Variants in IGSF21 observed in about 807,000 individuals in gnomAD.
The protein encoded by IGSF21 is immunoglobin superfamily member 21, also known as immunoglobulin superfamily member 21.
IGSF21 carries 28 observed loss-of-function variants against 46.8 expected under a neutral mutation model. That is an observed-to-expected ratio of 0.60 (90% CI 0.44 to 0.82). IGSF21 has a LOEUF of 0.82. Among genes scored for constraint, IGSF21 ranks in the 40% least tolerant of loss-of-function variants. IGSF21 has a pLI of 0.00. For missense variants in IGSF21, 624 were observed against 665.5 expected (o/e 0.94, Z 0.69); for synonymous variants, 284 against 273.6 (o/e 1.04, Z -0.38).
chr1:18,181,412 C>G (rs371206178), intron 1 of IGSF21, among the ~76,000 whole-genome samples: 3 of 152,296 alleles, frequency 2.0e-5, no homozygotes, highest in South Asian at 2.1e-4. Flanking sequence ...AATTTTCCAG[C>G]TTGAGCAGCC....
intron 4 of IGSF21, among the ~76,000 whole-genome samples, chr1:18,358,301 G>A (rs1020320707): frequency 6.6e-6 from 1 of 152,080 alleles, no homozygotes; most frequent in African/African-American, 2.4e-5. Flanking sequence ...TCTAATAACC[G>A]CATTAAGATA....
intron 1 of IGSF21, among the ~76,000 whole-genome samples, chr1:18,195,111 T>G (rs2086994577): frequency 6.6e-6 from 1 of 152,216 alleles, no homozygotes; most frequent in Non-Finnish European, 1.5e-5. Context: ...ATTATTACAA[T>G]TCAAGGTGAG....
At chr1:18,131,952 C>T (rs2086325524) in intron 1 of IGSF21, among the ~76,000 whole-genome samples, 1 of 152,142 alleles carries the variant, frequency 6.6e-6, no homozygotes, top group South Asian at 2.1e-4. Flanking sequence ...AGAGACAACT[C>T]TGTATAATGC....
Position 18,273,462 on chromosome 1 carries a change from C to CTCTCTTTCTTTTCTTTCTTTCTT in IGSF21, c.184-18401_184-18400insCTTTCTTTTCTTTCTTTCTTTCT, listed in dbSNP as rs767013694. ...TCTTTCTCACTTTCTTTCTTTCTCT[C>CTCTCTTTCTTTTCTTTCTTTCTT]TCTTTCTTTCTTTCTTTCTTTCTTT... is the stretch of plus-strand genomic sequence containing the variant. On this transcript the variant is annotated intron_variant, in intron 2 of 9. Coordinates refer to ENST00000251296, the MANE Select transcript of IGSF21 (RefSeq NM_032880.5). 1.8e-3 allele frequency among the ~76,000 whole-genome samples: 113 copies of CTCTCTTTCTTTTCTTTCTTTCTT among 61,922 alleles called. 9 individuals are homozygous for CTCTCTTTCTTTTCTTTCTTTCTT. The highest frequency in any genetic ancestry group is 9.2e-3 in the South Asian group (16 of 1,734). 40.6% of individuals were successfully genotyped at this position (61,922 alleles called of 152,430 possible).
At chr1:18,252,894 C>A (rs757841483) in intron 2 of IGSF21, among the ~76,000 whole-genome samples, 7 of 152,150 alleles carry the variant, frequency 4.6e-5, no homozygotes, top group Non-Finnish European at 8.8e-5. Context: ...GCCAGCCTCG[C>A]CAGGTTGTTA....
At chr1:18,319,128 A>AGG (rs1309666798) in intron 3 of IGSF21, among the ~76,000 whole-genome samples, 1 of 152,222 alleles carries the variant, frequency 6.6e-6, no homozygotes, top group Non-Finnish European at 1.5e-5. Context: ...TAAAGGACAG[A>AGG]GGGTGCTCCT....
chr1:18,165,552 T>C (rs1468487687), intron 1 of IGSF21, among the ~76,000 whole-genome samples: 1 of 152,198 alleles, frequency 6.6e-6, no homozygotes, highest in Admixed American at 6.5e-5. Context: ...AATAAGAATT[T>C]TGAGGGAACA....
At chr1:18,119,779 G>A (rs1255176871) in intron 1 of IGSF21, among the ~76,000 whole-genome samples, 1 of 149,958 alleles carries the variant, frequency 6.7e-6, no homozygotes, top group Non-Finnish European at 1.5e-5. Flanking sequence ...TTTTTTCATT[G>A]TAATTATTTT....
chr1:18,306,896 C>T (rs2085431791), intron 3 of IGSF21, among the ~76,000 whole-genome samples: 1 of 152,212 alleles, frequency 6.6e-6, no homozygotes, highest in Admixed American at 6.5e-5. Flanking sequence ...TAGACCAGGC[C>T]CCAGGGTGAC....
chr1:18,206,055 CAAGGGGTAGAT>C lies in IGSF21; in HGVS notation c.71-21840_71-21830del, dbSNP rs1479203083. Among the ~76,000 whole-genome samples, 29 of 152,304 alleles carry C rather than the reference CAAGGGGTAGAT, an allele frequency of 1.9e-4. No individual in the cohort carries two copies. In the South Asian group the frequency reaches 4.4e-3, roughly 23 times the overall value. ...CCCCTCATGGGGCTGACATTCTAGTCAAGGGGTAGATAAATTTTAAATATGGTGTCAGGCAA... is the reference window on the plus strand; with the variant it reads ...CCCCTCATGGGGCTGACATTCTAGTCAAATTTTAAATATGGTGTCAGGCAA... On this transcript the variant is annotated intron_variant, in intron 1 of 9. Coordinates refer to ENST00000251296, the MANE Select transcript of IGSF21 (RefSeq NM_032880.5).
chr1:18,299,388 T>G (rs57214998), intron 3 of IGSF21, among the ~76,000 whole-genome samples: 109 of 152,388 alleles, frequency 7.2e-4, no homozygotes, highest in African/African-American at 2.4e-3. Flanking sequence ...TCTATTCATG[T>G]GGAGACCAAA....
intron 1 of IGSF21, among the ~76,000 whole-genome samples, chr1:18,131,369 A>G (rs12023227): frequency 0.28 from 42,061 of 152,098 alleles, 7,222 homozygotes; most frequent in East Asian, 0.64. Context: ...TGTCATATAA[A>G]GTGAACGGAT....
chr1:18,367,076 C>T (rs536525441), intron 6 of IGSF21, among the ~76,000 whole-genome samples: 13 of 152,170 alleles, frequency 8.5e-5, no homozygotes, highest in Non-Finnish European at 1.8e-4. Context: ...GATGCCTGGG[C>T]TCATACTCCA....
chr1:18,219,948 G>A (rs1008083461), intron 1 of IGSF21, among the ~76,000 whole-genome samples: 1 of 152,174 alleles, frequency 6.6e-6, no homozygotes, highest in African/African-American at 2.4e-5. Flanking sequence ...CAAGGAAATG[G>A]GAGAAGCCAG....
chr1:18,274,942 G>T (rs767447846), intron 2 of IGSF21, among the ~76,000 whole-genome samples: 4 of 152,128 alleles, frequency 2.6e-5, no homozygotes, highest in Non-Finnish European at 4.4e-5. Flanking sequence ...CAAGAGAATC[G>T]CTTGAGCCTG....
chr1:18,324,169 G>A (rs918392741), intron 3 of IGSF21, among the ~76,000 whole-genome samples: 10 of 152,214 alleles, frequency 6.6e-5, no homozygotes, highest in African/African-American at 2.4e-4. Context: ...GAAGGTGGCA[G>A]GAGACCCCAG....
chr1:18,287,402 C>T (rs2085225368), intron 2 of IGSF21, among the ~76,000 whole-genome samples: 2 of 150,682 alleles, frequency 1.3e-5, no homozygotes, highest in South Asian at 4.2e-4. Flanking sequence ...CTCAAACAAA[C>T]AAACAAACAA....
intron 1 of IGSF21, among the ~76,000 whole-genome samples, chr1:18,193,966 A>T (rs372274805): frequency 6.6e-6 from 1 of 152,174 alleles, no homozygotes; most frequent in African/African-American, 2.4e-5. Context: ...GGAATCAGAA[A>T]AGGGTTGGAC....
At chr1:18,140,149 T>A (rs996411709) in intron 1 of IGSF21, among the ~76,000 whole-genome samples, 2 of 152,288 alleles carry the variant, frequency 1.3e-5, no homozygotes, top group Admixed American at 6.5e-5. Context: ...GGTCCCATTA[T>A]GTTGCCCAAG....
Sources: gnomAD v4.1 joint callset for allele counts (sites outside exome capture counted in the v4.1 genomes callset) on GRCh38, gnomAD v4.1.1 for gene constraint, MANE v1.5 for transcripts, NCBI Gene and HGNC (gene_info 2026-07-23, HGNC 2026-07-21) for gene names.